PCDHGA6: variants seen among roughly 807,000 people sequenced by gnomAD.
PCDHGA6 encodes protocadherin gamma subfamily A, 6.
Under a neutral mutation model 60.6 loss-of-function variants are expected in PCDHGA6, and 41 were observed. That is an observed-to-expected ratio of 0.68 (90% CI 0.53 to 0.88). The LOEUF is 0.88. PCDHGA6 is among the 40% of genes least tolerant of loss of function. The pLI, the probability that PCDHGA6 is intolerant of heterozygous loss-of-function variation, is 0.00. For missense variants in PCDHGA6, 1,312 were observed against 1,203.0 expected (o/e 1.09, Z -1.34); for synonymous variants, 594 against 524.4 (o/e 1.13, Z -1.81).
At chr5:141,413,234 T>C (rs2095618811) in intron 1 of PCDHGA6, 2 of 1,613,838 alleles carry the variant, frequency 1.2e-6, no homozygotes, top group Non-Finnish European at 1.7e-6. Context: ...CTGGTCCTGC[T>C]CTGCCTTTTC....
intron 1 of PCDHGA6, chr5:141,404,726 G>A (rs772532099): frequency 6.2e-7 from 1 of 1,614,094 alleles, no homozygotes; most frequent in Admixed American, 1.7e-5. Context: ...GACCAAGGTG[G>A]TGGCAGTGGA....
At position 141,431,580 on chromosome 5, in the gene PCDHGA6, A is replaced by G. The variant is rs777990962; in HGVS notation, c.2424+55073A>G. ...GCTACCGACCCTGACGAAGGAGTCA[A>G]TGCGGAAGTGAGGTATTCCTTCCGG... On this transcript the variant is annotated intron_variant, in intron 1 of 3. Coordinates refer to ENST00000517434, the MANE Select transcript of PCDHGA6 (RefSeq NM_018919.3). The surrounding 1 kb of genome is among the most constrained non-coding windows in gnomAD (Gnocchi z 4.8). 1.2e-5 allele frequency: 19 copies of G among 1,614,098 alleles called. No homozygotes were observed. Among genetic ancestry groups the G allele is most frequent in the Non-Finnish European group, 1.5e-5 (18 of 1,180,040 alleles).
Position 141,404,829 on chromosome 5 carries a change from T to C in PCDHGA6, c.2424+28322T>C. Reference sequence around the variant, plus strand: ...TCGGTGGGGCTGCACACAGGTGAAGTGCGCACAGCTCGGGCCCTGCTAGAT... The same window carrying C: ...TCGGTGGGGCTGCACACAGGTGAAGCGCGCACAGCTCGGGCCCTGCTAGAT... On this transcript the variant is annotated intron_variant, in intron 1 of 3. Transcript: ENST00000517434. 1.9e-6 allele frequency: 3 copies of C among 1,608,020 alleles called. No individual in the cohort carries two copies. The South Asian group carries it at 3.3e-5, about 18-fold the overall frequency.
chr5:141,435,804 A>AT (rs2097781092), intron 1 of PCDHGA6, among the ~76,000 whole-genome samples: 1 of 151,814 alleles, frequency 6.6e-6, no homozygotes, highest in Non-Finnish European at 1.5e-5. Flanking sequence ...CGTCCCAATT[A>AT]TTTTTTCTTT....
rs1406415297 is a variant in PCDHGA6 at position 141,375,139 on chromosome 5, A to G, written c.1056A>G (p.Gly352=). 11 of 1,613,936 alleles carry G rather than the reference A, an allele frequency of 6.8e-6. No homozygotes were observed. The highest frequency in any genetic ancestry group is 9.3e-6 in the Non-Finnish European group (11 of 1,179,876). Residue 352 remains glycine (G), a synonymous_variant, in exon 1 of 4, where the codon GGA becomes GGG. Coordinates refer to ENST00000517434, the MANE Select transcript of PCDHGA6 (RefSeq NM_018919.3). ...TACCAGAAGTGGTTGTTACATCTGG[A>G]AGCAGAACAATTGCTGAAAGTGCAC... The part of the protein sequence containing the change: ...DNVPEVVVTS[G]SRTIAESAPP...
intron 1 of PCDHGA6, among the ~76,000 whole-genome samples, chr5:141,379,919 T>G (rs930949901): frequency 6.2e-5 from 7 of 113,224 alleles, no homozygotes; most frequent in Non-Finnish European, 1.2e-4. Flanking sequence ...TTTTTTTTTT[T>G]GTCAGAGTCT....
chr5:141,406,877 A>T (rs4912750), intron 1 of PCDHGA6, among the ~76,000 whole-genome samples: 9,155 of 152,322 alleles, frequency 0.06, 381 homozygotes, highest in Non-Finnish European at 0.089. Flanking sequence ...ACTGCTGGGA[A>T]GATTCTAAAA....
intron 1 of PCDHGA6, chr5:141,389,813 C>G (rs575968401): frequency 1.3e-5 from 21 of 1,613,846 alleles, no homozygotes; most frequent in South Asian, 2.2e-5. Context: ...TTCTGGTCGC[C>G]GTGCGTGACG....
intron 1 of PCDHGA6, chr5:141,382,797 G>A: frequency 5.0e-6 from 5 of 999,472 alleles, no homozygotes; most frequent in Non-Finnish European, 5.9e-6. Context: ...TATCCTGCTG[G>A]ATTCTGAGCT....
At chr5:141,389,751 G>A (rs755499740) in intron 1 of PCDHGA6, 1 of 1,612,800 alleles carries the variant, frequency 6.2e-7, no homozygotes, top group Non-Finnish European at 8.5e-7. Flanking sequence ...GCGCACGGGC[G>A]AAGTGCGCAC....
chr5:141,403,595 T>G (rs2094430008), intron 1 of PCDHGA6: 1 of 1,613,824 alleles, frequency 6.2e-7, no homozygotes, highest in East Asian at 2.2e-5. Flanking sequence ...CCTCACGGCC[T>G]CGGATGGCGG....
At position 141,431,968 on chromosome 5, in the gene PCDHGA6, T is replaced by A. The variant is rs571981127; in HGVS notation, c.2424+55461T>A. On this transcript the variant is annotated intron_variant, in intron 1 of 3. Coordinates refer to ENST00000517434, the MANE Select transcript of PCDHGA6 (RefSeq NM_018919.3). The surrounding 1 kb of genome is among the most constrained non-coding windows in gnomAD (Gnocchi z 4.8). Reference sequence around the variant, plus strand: ...AAAAATCTTACGGAAATTACTATAGTTTAGTCACAGACATAGTCTTGGATA... The same window carrying A: ...AAAAATCTTACGGAAATTACTATAGATTAGTCACAGACATAGTCTTGGATA... 1.9e-6 allele frequency: 3 copies of A among 1,614,072 alleles called. No individual in the cohort carries two copies. Among genetic ancestry groups the A allele is most frequent in the Non-Finnish European group, 2.5e-6 (3 of 1,180,014 alleles).
intron 1 of PCDHGA6, chr5:141,382,987 C>G: frequency 6.2e-7 from 1 of 1,613,278 alleles, no homozygotes; most frequent in Non-Finnish European, 8.5e-7. Context: ...CTGGGCAGGA[C>G]GTATTCTCTA....
At chr5:141,382,924 G>A in intron 1 of PCDHGA6, 1 of 1,568,666 alleles carries the variant, frequency 6.4e-7, no homozygotes, top group Non-Finnish European at 8.7e-7. Flanking sequence ...GAGGGGCGGG[G>A]ACTACAGAGG....
intron 1 of PCDHGA6, chr5:141,414,713 C>T: frequency 6.2e-7 from 1 of 1,614,126 alleles, no homozygotes; most frequent in Admixed American, 1.7e-5. Context: ...TCCATCAACT[C>T]AGACACTGGC....
At position 141,408,836 on chromosome 5, in the gene PCDHGA6, T is replaced by C. The variant is rs772595834; in HGVS notation, c.2424+32329T>C. The C allele has an allele frequency of 5.0e-6, 8 of 1,613,680 alleles. No individual in the cohort carries two copies. In the South Asian group the frequency reaches 6.6e-5, roughly 13 times the overall value. ...AGAACAGAGATCTCATAGCTTGATA[T>C]TGACTGCCTTGGACGGAGGGGACCC... On this transcript the variant is annotated intron_variant, in intron 1 of 3. Transcript: ENST00000517434.
rs553462245 is a variant in PCDHGA6 at position 141,511,198 on chromosome 5, A to T, written c.*25A>T. Reference sequence around the variant, plus strand: ...ACATGGAGGCCAGGCCAAGAGCCACAGGGCGGCCTCTCCCCAACCAGCCCA... The same window carrying T: ...ACATGGAGGCCAGGCCAAGAGCCACTGGGCGGCCTCTCCCCAACCAGCCCA... On this transcript the variant is annotated 3_prime_UTR_variant, in exon 4 of 4. Transcript: ENST00000517434. The T allele has an allele frequency of 2.7e-5, 43 of 1,612,954 alleles. 1 individual carries two copies. The South Asian group carries it at 4.5e-4, about 17-fold the overall frequency.
chr5:141,391,847 A>T (rs1478301262), intron 1 of PCDHGA6: 1 of 152,232 alleles, frequency 6.6e-6, no homozygotes, highest in Non-Finnish European at 1.5e-5. Context: ...TGTAAAAGTC[A>T]AGTCTGCTTT....
intron 1 of PCDHGA6, among the ~76,000 whole-genome samples, chr5:141,481,105 T>C (rs1357970765): frequency 6.6e-6 from 1 of 152,188 alleles, no homozygotes; most frequent in Non-Finnish European, 1.5e-5. Flanking sequence ...CTCTGGAACC[T>C]ACCAATCCAT....
Sources: allele counts gnomAD v4.1 joint callset (sites outside exome capture counted in the v4.1 genomes callset), GRCh38; gene constraint gnomAD v4.1.1; non-coding constraint Gnocchi (gnomAD v3.1); transcripts MANE v1.5; gene names NCBI Gene and HGNC (gene_info 2026-07-23, HGNC 2026-07-21).